The following AGBL1 variants were observed in gnomAD, a reference collection of about 807,000 sequenced individuals.
AGBL1 encodes cytosolic carboxypeptidase 4.
Under a neutral mutation model 118.9 loss-of-function variants are expected in AGBL1, and 130 were observed. That is an observed-to-expected ratio of 1.09 (90% CI 0.95 to 1.26). The LOEUF is 1.26. Ranked by LOEUF, AGBL1 falls within the 50% of genes most tolerant of loss-of-function variation. AGBL1 has a pLI of 0.00. For missense variants in AGBL1, 1,584 were observed against 1,298.1 expected, an observed-to-expected ratio of 1.22 and a Z score of -3.38; for synonymous variants, 555 against 478.9, an observed-to-expected ratio of 1.16 and a Z score of -2.08.
intron 1 of AGBL1, among the ~76,000 whole-genome samples, chr15:86,111,959 G>A (rs780254247): frequency 1.3e-5 from 2 of 152,100 alleles, no homozygotes; most frequent in Non-Finnish European, 2.9e-5. Context: ...CGTGAACTGC[G>A]CCTGTGAGGG....
intron 23 of AGBL1, among the ~76,000 whole-genome samples, chr15:86,942,743 T>C (rs2080769388): frequency 6.6e-6 from 1 of 152,206 alleles, no homozygotes; most frequent in Non-Finnish European, 1.5e-5. Context: ...AACAGTCGGC[T>C]TTTCTAACCC....
intron 21 of AGBL1, among the ~76,000 whole-genome samples, chr15:86,665,830 T>C (rs1446687209): frequency 2.6e-5 from 4 of 152,130 alleles, no homozygotes; most frequent in Non-Finnish European, 4.4e-5. Context: ...TTTGAGTTTT[T>C]ATCTTTATTG....
intron 17 of AGBL1, among the ~76,000 whole-genome samples, chr15:86,343,932 T>C (rs575721995): frequency 2.0e-5 from 3 of 152,282 alleles, no homozygotes; most frequent in East Asian, 3.9e-4. Flanking sequence ...TGAATAATCA[T>C]TGAATCACTC....
intron 22 of AGBL1, among the ~76,000 whole-genome samples, chr15:86,798,069 T>C (rs1322961520): frequency 6.6e-6 from 1 of 152,164 alleles, no homozygotes; most frequent in East Asian, 1.9e-4. Context: ...GGTACAGATG[T>C]TGCAATTGAA....
intron 20 of AGBL1, 59 bp from the exon 21 acceptor site, chr15:86,554,302 T>C: frequency 7.3e-7 from 1 of 1,362,722 alleles, no homozygotes. Flanking sequence ...GCTATTTTTA[T>C]GATGACTATC....
intron 5 of AGBL1, among the ~76,000 whole-genome samples, chr15:86,182,811 G>A (rs528891939): frequency 1.6e-4 from 25 of 152,206 alleles, no homozygotes; most frequent in African/African-American, 5.3e-4. Context: ...CAGAATAAAA[G>A]AAGCAAAAGG....
chr15:86,581,194 A>T (rs960967943), intron 21 of AGBL1, among the ~76,000 whole-genome samples: 21 of 152,166 alleles, frequency 1.4e-4, no homozygotes, highest in Non-Finnish European at 8.8e-5. Flanking sequence ...GAGAAGTTGT[A>T]TTTCTACTTG....
chr15:86,240,559 G>A (rs1456364553), intron 6 of AGBL1, among the ~76,000 whole-genome samples: 1 of 152,186 alleles, frequency 6.6e-6, no homozygotes, highest in African/African-American at 2.4e-5. Flanking sequence ...GATCAGGCAA[G>A]TTTTGCAATA....
At chr15:87,028,574 C>G (rs914435948) in intron 24 of AGBL1, among the ~76,000 whole-genome samples, 1 of 151,760 alleles carries the variant, frequency 6.6e-6, no homozygotes, top group African/African-American at 2.4e-5. Flanking sequence ...TTCTAGGTAT[C>G]AGGTCCTATT....
At chr15:86,138,603 A>G (rs991241246) in intron 1 of AGBL1, among the ~76,000 whole-genome samples, 1 of 152,238 alleles carries the variant, frequency 6.6e-6, no homozygotes, top group African/African-American at 2.4e-5. Context: ...GAATCATTGA[A>G]TGAAAATAAA....
chr15:86,673,011 G>T (rs2085773795), intron 21 of AGBL1, among the ~76,000 whole-genome samples: 2 of 152,060 alleles, frequency 1.3e-5, no homozygotes, highest in Non-Finnish European at 2.9e-5. Flanking sequence ...CAATCCTTCT[G>T]CATTCTTATT....
At chr15:86,671,858 C>T (rs1259996563) in intron 21 of AGBL1, among the ~76,000 whole-genome samples, 1 of 152,112 alleles carries the variant, frequency 6.6e-6, no homozygotes, top group African/African-American at 2.4e-5. Context: ...GAGGATATGA[C>T]ATTTGACAGG....
chr15:86,887,870 G>A (rs2079992915), intron 22 of AGBL1, among the ~76,000 whole-genome samples: 1 of 152,064 alleles, frequency 6.6e-6, no homozygotes, highest in South Asian at 2.1e-4. Context: ...TGGATCCTTG[G>A]ATAAGGGGGT....
intron 5 of AGBL1, among the ~76,000 whole-genome samples, chr15:86,194,107 A>G (rs916997496): frequency 6.6e-6 from 1 of 152,324 alleles, no homozygotes; most frequent in African/African-American, 2.4e-5. Flanking sequence ...TCCTGTTGGA[A>G]CGACTCATTT....
chr15:86,662,867 A>G (rs1201502924), intron 21 of AGBL1, among the ~76,000 whole-genome samples: 1 of 152,040 alleles, frequency 6.6e-6, no homozygotes, highest in Non-Finnish European at 1.5e-5. Flanking sequence ...CTAGTGGACC[A>G]CTCTCCTGGC....
intron 21 of AGBL1, among the ~76,000 whole-genome samples, chr15:86,567,770 T>C (rs1288618091): frequency 1.3e-5 from 2 of 152,112 alleles, no homozygotes; most frequent in Admixed American, 1.3e-4. Flanking sequence ...AGTTTAGAAA[T>C]TGCAAATGTT....
intron 22 of AGBL1, among the ~76,000 whole-genome samples, chr15:86,821,665 C>T (rs2078945242): frequency 6.6e-6 from 1 of 152,120 alleles, no homozygotes; most frequent in African/African-American, 2.4e-5. Context: ...CCAATAATGT[C>T]ATCAGCATAA....
intron 5 of AGBL1, among the ~76,000 whole-genome samples, chr15:86,217,100 G>A (rs774158693): frequency 2.0e-4 from 31 of 152,254 alleles, no homozygotes; most frequent in Middle Eastern, 3.4e-3. Context: ...TTACCTTGTT[G>A]TTGTTTTTTC....
At chr15:86,669,629 G>A (rs2085706350) in intron 21 of AGBL1, among the ~76,000 whole-genome samples, 1 of 152,064 alleles carries the variant, frequency 6.6e-6, no homozygotes, top group South Asian at 2.1e-4. Flanking sequence ...ATAAGGAGAA[G>A]ATCTTACAAA....
Sources: gnomAD v4.1 joint callset for allele counts (sites outside exome capture counted in the v4.1 genomes callset) on GRCh38, gnomAD v4.1.1 for gene constraint, MANE v1.5 for transcripts, NCBI Gene and HGNC (gene_info 2026-07-23, HGNC 2026-07-21) for gene names.